TMOD2: variants seen among roughly 807,000 people sequenced by gnomAD.
TMOD2 encodes the protein tropomodulin-2.
A neutral mutation model predicts 39.9 loss-of-function variants in TMOD2; 22 were observed. The observed-to-expected ratio is 0.55, with a 90% CI of 0.39 to 0.79. The LOEUF (loss-of-function observed/expected upper bound fraction) is 0.79. Ranked by LOEUF, TMOD2 falls within the 30% of genes least tolerant of loss-of-function variation. TMOD2 has a pLI of 0.00. For missense variants in TMOD2, 386 were observed against 413.3 expected, an observed-to-expected ratio of 0.93 and a Z score of 0.57; for synonymous variants, 123 against 146.1, an observed-to-expected ratio of 0.84 and a Z score of 1.14.
intron 5 of TMOD2, among the ~76,000 whole-genome samples, chr15:51,778,616 G>C (rs1401488235): frequency 1.4e-5 from 2 of 141,062 alleles, no homozygotes; most frequent in African/African-American, 5.2e-5. Flanking sequence ...TGATCCATGT[G>C]CTTTGAAAAC....
chr15:51,766,266 T>C, intron 1 of TMOD2, 107 bp from the exon 2 acceptor site: 1 of 485,174 alleles, frequency 2.1e-6, no homozygotes. Flanking sequence ...GTTGAATTAT[T>C]CATTCAATAC....
chr15:51,802,763 C>T (rs2056098264), intron 8 of TMOD2, among the ~76,000 whole-genome samples: 1 of 152,112 alleles, frequency 6.6e-6, no homozygotes, highest in African/African-American at 2.4e-5. Flanking sequence ...TTTTTGCTGC[C>T]ACTCCCTCCC....
intron 1 of TMOD2, among the ~76,000 whole-genome samples, chr15:51,755,866 A>G (rs2055738210): frequency 6.6e-6 from 1 of 151,864 alleles, no homozygotes; most frequent in African/African-American, 2.4e-5. Flanking sequence ...AGACCACATA[A>G]GCAAGCAGAA....
At position 51,815,629 on chromosome 15, in the gene TMOD2, A is replaced by C. The variant is rs2056184390; in HGVS notation, c.*7175A>C. On this transcript the variant is annotated 3_prime_UTR_variant, in exon 10 of 10. Transcript: ENST00000249700. ...TGCCAGTGACAATCTTCAGTTAAGA[A>C]GTAAGTTATTCTGACCTAAAATTCT... The C allele has an allele frequency of 6.6e-6, 1 of 152,244 alleles. No homozygotes were observed. The allele number at this position is 152,244 out of a possible 1,614,324, so 9.4% of individuals were successfully genotyped here. A position where few individuals can be genotyped will look rare whatever the true frequency, so the allele number is the denominator to read the frequency against.
rs1191155316 is a variant in TMOD2, at chr15:51,813,702, A to C, written c.*5248A>C. ...TTCCTTAGCTGGGTAACTTTGGGCA[A>C]ACCGCTTGGTCTCTCAAGCCTAAGG... On this transcript the variant is annotated 3_prime_UTR_variant, in exon 10 of 10. Coordinates refer to ENST00000249700, the MANE Select transcript of TMOD2 (RefSeq NM_014548.4). 1 of 152,216 alleles carries C rather than the reference A, an allele frequency of 6.6e-6. No homozygotes were observed. The highest frequency in any genetic ancestry group is 2.4e-5 in the African/African-American group (1 of 41,446). 9.4% of individuals were successfully genotyped at this position (152,216 alleles called of 1,614,324 possible). A position where few individuals can be genotyped will look rare whatever the true frequency, so the allele number is the denominator to read the frequency against.
rs2056158919 is a variant in TMOD2 at position 51,811,899 on chromosome 15, G to A, written c.*3445G>A. ...TTAGGAAATAAATATTAGAAGCCTA[G>A]AAATCATTTAGTTGTTCTAGCACCA... On this transcript the variant is annotated 3_prime_UTR_variant, in exon 10 of 10. Coordinates refer to ENST00000249700, the MANE Select transcript of TMOD2 (RefSeq NM_014548.4). 6.6e-6 allele frequency: 1 copy of A among 152,080 alleles called. No homozygotes were observed. The highest frequency in any genetic ancestry group is 2.1e-4 in the South Asian group (1 of 4,828). The allele number at this position is 152,080 out of a possible 1,614,324, so 9.4% of individuals were successfully genotyped here.
At chr15:51,783,084 A>T (rs2055942652) in intron 7 of TMOD2, 1 of 454,320 alleles carries the variant, frequency 2.2e-6, no homozygotes, top group South Asian at 2.3e-5. Context: ...AACTAACTGA[A>T]TATTTAGAGT....
intron 2 of TMOD2, among the ~76,000 whole-genome samples, chr15:51,767,634 T>TA (rs35154339): frequency 2.3e-3 from 347 of 148,932 alleles, no homozygotes; most frequent in Non-Finnish European, 3.6e-3. Context: ...CAATTACGGT[T>TA]AAAAAAAAAA....
rs570472073 is a variant in TMOD2 at position 51,785,454 on chromosome 15, G to C, written c.732+2626G>C. Among the ~76,000 whole-genome samples the C allele has an allele frequency of 6.0e-5, 9 of 149,130 alleles. No individual in the cohort carries two copies. The South Asian group carries it at 1.9e-3, about 32-fold the overall frequency. On this transcript the variant is annotated intron_variant, in intron 7 of 9. Coordinates refer to ENST00000249700, the MANE Select transcript of TMOD2 (RefSeq NM_014548.4). The stretch of plus-strand genomic sequence containing the variant: ...AAAAAGATGAATGGATGAAGAAAAT[G>C]TGGTATATATATGCACACTGAAATA...
intron 8 of TMOD2, among the ~76,000 whole-genome samples, chr15:51,801,026 T>C (rs1386675418): frequency 6.6e-6 from 1 of 152,128 alleles, no homozygotes; most frequent in African/African-American, 2.4e-5. Context: ...TTTATTTGTA[T>C]ACGACAAGGA....
At position 51,808,609 on chromosome 15, in the gene TMOD2, A is replaced by G; in HGVS notation, c.*155A>G. 2 of 504,272 alleles carry G rather than the reference A, an allele frequency of 4.0e-6. No individual in the cohort carries two copies. Among genetic ancestry groups the G allele is most frequent in the South Asian group, 8.1e-5 (2 of 24,690 alleles). The allele number at this position is 504,272 out of a possible 1,614,324, so 31.2% of individuals were successfully genotyped here. ...TTGTTATTCTTTTTTAGCACTACTT[A>G]TTTATCTTGGATTTTGTAATATATG... On this transcript the variant is annotated 3_prime_UTR_variant, in exon 10 of 10. Coordinates refer to ENST00000249700, the MANE Select transcript of TMOD2 (RefSeq NM_014548.4).
intron 8 of TMOD2, among the ~76,000 whole-genome samples, chr15:51,801,144 C>T (rs1308813931): frequency 6.6e-6 from 1 of 151,842 alleles, no homozygotes; most frequent in Non-Finnish European, 1.5e-5. Flanking sequence ...TTCCAGGTTG[C>T]AGTCAGTTAT....
At chr15:51,762,448 A>T (rs1415724297) in intron 1 of TMOD2, among the ~76,000 whole-genome samples, 1 of 152,198 alleles carries the variant, frequency 6.6e-6, no homozygotes, top group Non-Finnish European at 1.5e-5. Flanking sequence ...CAACAGACTG[A>T]GACCGTGTCT....
intron 4 of TMOD2, among the ~76,000 whole-genome samples, chr15:51,774,438 T>C (rs4775978): frequency 0.48 from 72,617 of 152,018 alleles, 17,633 homozygotes; most frequent in Admixed American, 0.54. Flanking sequence ...TAGATTTATA[T>C]ATTAGATCTT....
chr15:51,781,112 A>G lies in TMOD2; in HGVS notation c.562A>G (p.Ser188Gly). Residue 188 changes from serine (S) to glycine (G), a missense_variant, in exon 6 of 10, where the codon AGC becomes GGC. Coordinates refer to ENST00000249700, the MANE Select transcript of TMOD2 (RefSeq NM_014548.4). ...EPPNPTNVEISLQQMKANDPS... is the reference protein window; with the variant it reads ...EPPNPTNVEIGLQQMKANDPS... ...ACCAAATCCCACAAATGTGGAAATAAGCCTGCAGCAGATGAAAGCCAATGA... is the reference window on the plus strand; with the variant it reads ...ACCAAATCCCACAAATGTGGAAATAGGCCTGCAGCAGATGAAAGCCAATGA... 1 of 1,613,070 alleles carries G rather than the reference A, an allele frequency of 6.2e-7. No homozygotes were observed. The highest frequency in any genetic ancestry group is 8.5e-7 in the Non-Finnish European group (1 of 1,179,726).
intron 4 of TMOD2, 129 bp downstream of exon 4, chr15:51,773,963 A>T: frequency 9.4e-7 from 1 of 1,064,912 alleles, no homozygotes; most frequent in Non-Finnish European, 1.3e-6. Context: ...GGCATTATGG[A>T]GCTGTAAGTC....
intron 5 of TMOD2, among the ~76,000 whole-genome samples, chr15:51,778,909 A>T (rs2055909854): frequency 6.6e-6 from 1 of 152,064 alleles, no homozygotes; most frequent in African/African-American, 2.4e-5. Flanking sequence ...TCAGTAGCAT[A>T]TATATGAAAT....
intron 9 of TMOD2, 25 bp downstream of exon 9, chr15:51,806,546 T>C: frequency 6.2e-7 from 1 of 1,613,666 alleles, no homozygotes; most frequent in Non-Finnish European, 8.5e-7. Context: ...ATATTTGCTG[T>C]TAACAATTAG....
intron 3 of TMOD2, 129 bp downstream of exon 3, chr15:51,768,547 C>T: frequency 3.1e-6 from 3 of 975,702 alleles, no homozygotes; most frequent in Non-Finnish European, 4.5e-6. Flanking sequence ...GGGAACTGTC[C>T]CAGACATGGG....
Sources: allele counts gnomAD v4.1 joint callset (sites outside exome capture counted in the v4.1 genomes callset), GRCh38; gene constraint gnomAD v4.1.1; transcripts MANE v1.5; gene names NCBI Gene and HGNC (gene_info 2026-07-23, HGNC 2026-07-21).